The following LIMS1 variants were observed in gnomAD, a reference collection of about 807,000 sequenced individuals.
The protein encoded by LIMS1 is LIM and senescent cell antigen-like-containing domain protein 1.
A neutral mutation model predicts 44.1 loss-of-function variants in LIMS1; 18 were observed. That is an observed-to-expected ratio of 0.41 (90% confidence interval 0.28 to 0.61). The LOEUF is 0.61. Ranked by LOEUF, LIMS1 falls within the 20% of genes least tolerant of loss-of-function variation. The pLI is 0.32. For missense variants in LIMS1, 201 were observed against 422.0 expected (o/e 0.48, Z 4.59); for synonymous variants, 93 against 149.1 (o/e 0.62, Z 2.74).
intron 1 of LIMS1, among the ~76,000 whole-genome samples, chr2:108,597,645 A>C (rs1478983221): frequency 6.8e-6 from 1 of 147,912 alleles, no homozygotes; most frequent in East Asian, 2.0e-4. Flanking sequence ...TTCTTTGTGC[A>C]TGTTTCTTTT....
At position 108,660,069 on chromosome 2, in the gene LIMS1, A is replaced by G. The variant is rs1347183386; in HGVS notation, c.192+305A>G. On this transcript the variant is annotated intron_variant, in intron 2 of 9. Transcript: ENST00000544547. Reference sequence around the variant, plus strand: ...ACCTAAGCAGCTCAGCTCCACATAGAAAATTCTTTCTGAGTCTTCAGCCAC... The same window carrying G: ...ACCTAAGCAGCTCAGCTCCACATAGGAAATTCTTTCTGAGTCTTCAGCCAC... 6.0e-5 allele frequency: 27 copies of G among 452,176 alleles called. 1 individual carries two copies. The highest frequency in any genetic ancestry group is 2.7e-4 in the Admixed American group (8 of 30,068). The allele number at this position is 452,176 out of a possible 1,614,324, so 28.0% of individuals were successfully genotyped here.
At position 108,639,545 on chromosome 2, in the gene LIMS1, C is replaced by T. The variant is rs145589721; in HGVS notation, c.33-20060C>T. 4.9e-3 allele frequency among the ~76,000 whole-genome samples: 751 copies of T among 152,318 alleles called. 6 individuals carry two copies. Among genetic ancestry groups the T allele is most frequent in the African/African-American group, 0.017 (719 of 41,566 alleles). ...TCAGCTCATTGCAACCTCCACCTCC[C>T]GGGTTCAAGTGATTCTCCTGCTTCA... On this transcript the variant is annotated intron_variant, in intron 1 of 9. Coordinates refer to ENST00000544547, the Ensembl canonical transcript of LIMS1.
At chr2:108,667,564 A>T (rs1382667430) in intron 2 of LIMS1, among the ~76,000 whole-genome samples, 2 of 148,798 alleles carry the variant, frequency 1.3e-5, no homozygotes, top group East Asian at 3.9e-4. Context: ...ATATATATAT[A>T]TATATACTGC....
chr2:108,541,017 A>G (rs1462417001), intron 1 of LIMS1, among the ~76,000 whole-genome samples: 1 of 152,194 alleles, frequency 6.6e-6, no homozygotes, highest in Non-Finnish European at 1.5e-5. Flanking sequence ...TGAATTATGG[A>G]TATTGGCCCA....
At chr2:108,612,678 G>A (rs1488681994) in intron 1 of LIMS1, among the ~76,000 whole-genome samples, 1 of 152,108 alleles carries the variant, frequency 6.6e-6, no homozygotes, top group Non-Finnish European at 1.5e-5. Context: ...AGTGGGGACT[G>A]CACCTGAGCA....
intron 1 of LIMS1, among the ~76,000 whole-genome samples, chr2:108,636,720 A>C (rs908460678): frequency 2.0e-5 from 3 of 152,232 alleles, no homozygotes; most frequent in African/African-American, 7.2e-5. Context: ...AGAAGAGGTA[A>C]GGAATGGAAT....
chr2:108,662,416 C>A, intron 2 of LIMS1: 1 of 1,505,086 alleles, frequency 6.6e-7, no homozygotes, highest in South Asian at 1.2e-5. Context: ...TCACACTGGA[C>A]TATAAATACC....
exon 10 of LIMS1, chr2:108,684,108 T>C (rs2149029386): frequency 3.5e-6 from 2 of 572,666 alleles, no homozygotes; most frequent in South Asian, 4.7e-5. Context: ...GAAGAGGACC[T>C]ATATGAATGG....
At chr2:108,593,227 TCATGGTTTTTCTCTACTTCCAAA>T (rs1234104501) in intron 1 of LIMS1, among the ~76,000 whole-genome samples, 1 of 151,840 alleles carries the variant, frequency 6.6e-6, no homozygotes, top group African/African-American at 2.4e-5. Flanking sequence ...CCTGATAGTC[TCATGGTTTTTCTCTACTTCCAAA>T]CATATCTAAA....
chr2:108,622,973 ATTTTT>A (rs68115708), intron 1 of LIMS1, among the ~76,000 whole-genome samples: 18 of 123,106 alleles, frequency 1.5e-4, no homozygotes, highest in African/African-American at 5.1e-4. Context: ...AAACAACTAG[ATTTTT>A]TTTTTTTTTT....
intron 1 of LIMS1, among the ~76,000 whole-genome samples, chr2:108,574,871 G>A (rs1192459721): frequency 6.6e-6 from 1 of 152,178 alleles, no homozygotes; most frequent in African/African-American, 2.4e-5. Context: ...TATTTTTATG[G>A]AATTTACTAT....
intron 1 of LIMS1, among the ~76,000 whole-genome samples, chr2:108,643,351 G>A (rs1689836835): frequency 6.6e-6 from 1 of 152,224 alleles, no homozygotes; most frequent in African/African-American, 2.4e-5. Context: ...AGGAGGATGA[G>A]CCGAAGCAGG....
intron 1 of LIMS1, among the ~76,000 whole-genome samples, chr2:108,614,834 C>T (rs1025609454): frequency 6.6e-6 from 1 of 152,148 alleles, no homozygotes; most frequent in African/African-American, 2.4e-5. Context: ...TGGCTATAGT[C>T]ATGAACCTAT....
At chr2:108,597,850 A>AC (rs999552545) in intron 1 of LIMS1, among the ~76,000 whole-genome samples, 1 of 151,452 alleles carries the variant, frequency 6.6e-6, no homozygotes, top group African/African-American at 2.4e-5. Flanking sequence ...CCGCTGCCAC[A>AC]CCCGGCTATT....
chr2:108,557,483 T>A (rs961042311), intron 1 of LIMS1, among the ~76,000 whole-genome samples: 6 of 152,076 alleles, frequency 3.9e-5, no homozygotes, highest in Admixed American at 1.3e-4. Flanking sequence ...ATGATCAGAT[T>A]CATATTTTAC....
In LIMS1 at chr2:108,675,867, C is replaced by G. The variant is rs1254918429; in HGVS notation, c.531-11C>G. On this transcript the variant is annotated splice_polypyrimidine_tract_variant and intron_variant, in intron 5 of 9. Transcript: ENST00000544547. ...TCTTAGTATTAAGCTGTGTGTCTTT[C>G]TCACGGACAGGAAGGAGCTGACTGC... The G allele has an allele frequency of 1.9e-6, 3 of 1,613,834 alleles. No individual in the cohort carries two copies. In the Admixed American group the frequency reaches 5.0e-5, roughly 27 times the overall value.
intron 1 of LIMS1, among the ~76,000 whole-genome samples, chr2:108,585,761 C>A (rs1221517999): frequency 1.3e-5 from 2 of 152,112 alleles, no homozygotes; most frequent in Admixed American, 6.6e-5. Context: ...CCCAGGAAAG[C>A]ATCATTTAAA....
At chr2:108,641,225 A>G (rs921455629) in intron 1 of LIMS1, among the ~76,000 whole-genome samples, 5 of 152,210 alleles carry the variant, frequency 3.3e-5, no homozygotes, top group Admixed American at 6.5e-5. Context: ...TCAACCTGAT[A>G]TCATAATGGC....
intron 1 of LIMS1, among the ~76,000 whole-genome samples, chr2:108,581,231 G>A (rs1486563522): frequency 6.6e-6 from 1 of 152,194 alleles, no homozygotes; most frequent in Non-Finnish European, 1.5e-5. Context: ...AGCAGAACAA[G>A]TAGAGTCATT....
Sources: gnomAD v4.1 joint callset for allele counts (sites outside exome capture counted in the v4.1 genomes callset) on GRCh38, gnomAD v4.1.1 for gene constraint, MANE v1.5 for transcripts, NCBI Gene and HGNC (gene_info 2026-07-23, HGNC 2026-07-21) for gene names.